The following PTPRK variants were observed in gnomAD, a reference collection of about 807,000 sequenced individuals.
The protein encoded by PTPRK is protein tyrosine phosphatase receptor type K.
Under a neutral mutation model 178.0 loss-of-function variants are expected in PTPRK, and 75 were observed. That is an observed-to-expected ratio of 0.42 (90% confidence interval 0.35 to 0.51). The LOEUF (loss-of-function observed/expected upper bound fraction) is 0.51. Ranked by LOEUF, PTPRK falls within the 20% of genes least tolerant of loss-of-function variation. PTPRK has a pLI of 0.02. For missense variants in PTPRK, 1,441 were observed against 1,797.8 expected, an observed-to-expected ratio of 0.80 and a Z score of 3.59; for synonymous variants, 637 against 620.6, an observed-to-expected ratio of 1.03 and a Z score of -0.39.
In PTPRK at chr6:127,969,921, A is replaced by C. The variant is rs1029528626; in HGVS notation, c.*306T>G. On this transcript the variant is annotated 3_prime_UTR_variant, in exon 30 of 30. Coordinates refer to ENST00000368226, the MANE Select transcript of PTPRK (RefSeq NM_002844.4). ...AACATGTGGTAGCTGCTCTACTGAAACCATGAGAAAAAAGGTGGCATGTTC... is the reference window on the plus strand; with the variant it reads ...AACATGTGGTAGCTGCTCTACTGAACCCATGAGAAAAAAGGTGGCATGTTC... 46 of 223,674 alleles carry C rather than the reference A, an allele frequency of 2.1e-4. No individual in the cohort carries two copies. In the Middle Eastern group the frequency reaches 5.8e-3, roughly 28 times the overall value. 13.9% of individuals were successfully genotyped at this position (223,674 alleles called of 1,614,324 possible).
chr6:127,987,170 A>G (rs554967194), intron 21 of PTPRK, among the ~76,000 whole-genome samples: 1 of 151,150 alleles, frequency 6.6e-6, no homozygotes, highest in African/African-American at 2.4e-5. Flanking sequence ...GTACATTTTC[A>G]TATGTCAGCA....
chr6:128,015,633 C>T (rs144380818), intron 13 of PTPRK, among the ~76,000 whole-genome samples: 75 of 151,824 alleles, frequency 4.9e-4, no homozygotes, highest in African/African-American at 1.7e-3. Context: ...ATGACACATA[C>T]GGCCTTTCAC....
intron 13 of PTPRK, among the ~76,000 whole-genome samples, chr6:128,021,156 A>G (rs1773441698): frequency 6.6e-6 from 1 of 152,186 alleles, no homozygotes; most frequent in Non-Finnish European, 1.5e-5. Context: ...TGGGAGCCTT[A>G]TTTTTAAATG....
At chr6:128,098,091 T>A (rs1240625969) in intron 7 of PTPRK, among the ~76,000 whole-genome samples, 1 of 152,200 alleles carries the variant, frequency 6.6e-6, no homozygotes, top group East Asian at 1.9e-4. Context: ...GCATGCCAAG[T>A]ACAGTGGTTG....
At chr6:128,323,795 T>C (rs1015301299) in intron 2 of PTPRK, among the ~76,000 whole-genome samples, 63 of 152,196 alleles carry the variant, frequency 4.1e-4, no homozygotes, top group African/African-American at 1.4e-3. Flanking sequence ...TTCACTTCTT[T>C]TTCCTAGTTA....
chr6:128,020,404 T>C (rs746715516), intron 13 of PTPRK, among the ~76,000 whole-genome samples: 14 of 152,304 alleles, frequency 9.2e-5, no homozygotes, highest in South Asian at 4.1e-4. Context: ...AATGTGGATA[T>C]ATGGAGACGT....
At chr6:128,114,761 T>C (rs1791220809) in intron 7 of PTPRK, among the ~76,000 whole-genome samples, 1 of 149,136 alleles carries the variant, frequency 6.7e-6, no homozygotes, top group South Asian at 2.1e-4. Context: ...GAGATTTGGG[T>C]GGGGACACAG....
intron 7 of PTPRK, among the ~76,000 whole-genome samples, chr6:128,127,508 C>T (rs146797717): frequency 6.6e-6 from 1 of 152,304 alleles, no homozygotes; most frequent in African/African-American, 2.4e-5. Flanking sequence ...CCTATATGCA[C>T]TGTATTAGCT....
chr6:128,078,457 C>T (rs78457931), intron 11 of PTPRK, among the ~76,000 whole-genome samples: 10,590 of 151,914 alleles, frequency 0.07, 439 homozygotes, highest in Middle Eastern at 0.14. Flanking sequence ...TACCCCCCAA[C>T]CCTGCCTACC....
intron 3 of PTPRK, among the ~76,000 whole-genome samples, chr6:128,269,502 T>A (rs542994258): frequency 2.9e-4 from 44 of 149,652 alleles, no homozygotes; most frequent in Admixed American, 7.3e-4. Flanking sequence ...ACTAACAGGA[T>A]GGTTAAAAAA....
intron 6 of PTPRK, among the ~76,000 whole-genome samples, chr6:128,208,699 C>G (rs1464519367): frequency 6.6e-6 from 1 of 152,088 alleles, no homozygotes; most frequent in Non-Finnish European, 1.5e-5. Flanking sequence ...ATAATATAGG[C>G]TAAAGGCTAT....
At chr6:128,321,793 T>C (rs951032095) in intron 3 of PTPRK, 6 of 706,972 alleles carry the variant, frequency 8.5e-6, no homozygotes, top group African/African-American at 1.7e-5. Context: ...TTCTCTAGTT[T>C]GAAGGTTTTG....
At chr6:128,361,541 T>C (rs960569719) in intron 2 of PTPRK, among the ~76,000 whole-genome samples, 4 of 152,092 alleles carry the variant, frequency 2.6e-5, no homozygotes, top group Admixed American at 2.0e-4. Flanking sequence ...CATCATAGGG[T>C]GTTAATTACA....
chr6:128,209,036 G>A (rs1217437921), intron 6 of PTPRK, among the ~76,000 whole-genome samples: 2 of 151,956 alleles, frequency 1.3e-5, no homozygotes, highest in Non-Finnish European at 2.9e-5. Context: ...TAACAACATT[G>A]CTGCCTAATC....
chr6:128,218,637 G>C (rs1053387004), intron 6 of PTPRK, among the ~76,000 whole-genome samples: 1 of 152,188 alleles, frequency 6.6e-6, no homozygotes, highest in Non-Finnish European at 1.5e-5. Context: ...TACAAACGAG[G>C]TGATGACAAT....
intron 12 of PTPRK, among the ~76,000 whole-genome samples, chr6:128,065,276 T>A (rs1208176653): frequency 6.6e-6 from 1 of 152,166 alleles, no homozygotes; most frequent in Non-Finnish European, 1.5e-5. Context: ...CATTACATCA[T>A]AGTTATGGTG....
At chr6:127,992,813 A>G in intron 18 of PTPRK, 104 bp from the exon 19 acceptor site, 2 of 936,310 alleles carry the variant, frequency 2.1e-6, no homozygotes, top group Non-Finnish European at 3.2e-6. Flanking sequence ...ATTAAGTTAT[A>G]ATAAAAAGTC....
intron 7 of PTPRK, among the ~76,000 whole-genome samples, chr6:128,162,145 GT>G (rs1415894086): frequency 6.6e-6 from 1 of 151,524 alleles, no homozygotes; most frequent in Non-Finnish European, 1.5e-5. Context: ...GAGGATACTA[GT>G]TTTGATGTTT....
intron 6 of PTPRK, among the ~76,000 whole-genome samples, chr6:128,189,915 A>G (rs541028398): frequency 1.3e-5 from 2 of 152,326 alleles, no homozygotes; most frequent in East Asian, 3.9e-4. Context: ...GGCATTTATC[A>G]GCTACCCCTA....
Sources: gnomAD v4.1 joint callset for allele counts (sites outside exome capture counted in the v4.1 genomes callset) on GRCh38, gnomAD v4.1.1 for gene constraint, MANE v1.5 for transcripts, NCBI Gene and HGNC (gene_info 2026-07-23, HGNC 2026-07-21) for gene names.